The following TBL1XR1 variants were observed in gnomAD, a reference collection of about 807,000 sequenced individuals.
The protein encoded by TBL1XR1 is TBL1X/Y related 1.
TBL1XR1 carries 5 observed loss-of-function variants against 66.9 expected under a neutral mutation model. That is an observed-to-expected ratio of 0.07 (90% CI 0.04 to 0.16). The LOEUF (loss-of-function observed/expected upper bound fraction) is 0.16, where lower values mean the gene tolerates loss of function less well. Among genes scored for constraint, TBL1XR1 ranks in the 10% least tolerant of loss-of-function variants. The pLI, the probability that TBL1XR1 is intolerant of heterozygous loss-of-function variation, is 1.00. For missense variants in TBL1XR1, 238 were observed against 623.2 expected (o/e 0.38, Z 6.58); for synonymous variants, 210 against 206.0 (o/e 1.02, Z -0.17).
intron 2 of TBL1XR1, among the ~76,000 whole-genome samples, chr3:177,071,189 C>T (rs1471876813): frequency 6.6e-6 from 1 of 151,900 alleles, no homozygotes; most frequent in Non-Finnish European, 1.5e-5. Flanking sequence ...CGCCACCGTG[C>T]CCGGCTAATT....
intron 12 of TBL1XR1, among the ~76,000 whole-genome samples, chr3:177,036,494 T>C (rs539483277): frequency 6.6e-6 from 1 of 152,364 alleles, no homozygotes; most frequent in African/African-American, 2.4e-5. Context: ...TAACAATTTC[T>C]AGTTTTAACC....
intron 1 of TBL1XR1, among the ~76,000 whole-genome samples, chr3:177,185,767 T>C (rs972734555): frequency 1.3e-5 from 2 of 152,030 alleles, no homozygotes; most frequent in African/African-American, 4.8e-5. Flanking sequence ...CCCAACACTT[T>C]GGGAGGCAGG....
At chr3:177,107,979 A>T (rs567926933) in intron 1 of TBL1XR1, among the ~76,000 whole-genome samples, 276 of 152,054 alleles carry the variant, frequency 1.8e-3, no homozygotes, top group African/African-American at 6.6e-3. Context: ...CAGACAATAC[A>T]TTAAAAAATG....
At chr3:177,080,390 T>TA (rs1721250336) in intron 2 of TBL1XR1, among the ~76,000 whole-genome samples, 4 of 152,154 alleles carry the variant, frequency 2.6e-5, no homozygotes, top group Admixed American at 2.0e-4. Context: ...CTTTAAGTGA[T>TA]AAAGTGCCCA....
intron 3 of TBL1XR1, among the ~76,000 whole-genome samples, chr3:177,063,475 T>C (rs1718771411): frequency 6.6e-6 from 1 of 152,196 alleles, no homozygotes; most frequent in Non-Finnish European, 1.5e-5. Context: ...CTCAAAGCTC[T>C]GGCTTAAAAG....
intron 2 of TBL1XR1, among the ~76,000 whole-genome samples, chr3:177,082,656 A>T (rs933528258): frequency 6.7e-6 from 1 of 148,260 alleles, no homozygotes; most frequent in African/African-American, 2.5e-5. Context: ...AAACTTTATG[A>T]AAGAACCATA....
chr3:177,115,536 G>A (rs963907373), intron 1 of TBL1XR1, among the ~76,000 whole-genome samples: 2 of 152,042 alleles, frequency 1.3e-5, no homozygotes, highest in Middle Eastern at 3.4e-3. Flanking sequence ...CACCACAACC[G>A]CAAAATTTGG....
intron 1 of TBL1XR1, among the ~76,000 whole-genome samples, chr3:177,126,731 T>G (rs1727674228): frequency 6.6e-6 from 1 of 152,072 alleles, no homozygotes; most frequent in Admixed American, 6.6e-5. Flanking sequence ...TTCTTGGCAC[T>G]GGCTCTCCAT....
chr3:177,122,509 C>T (rs980195580), intron 1 of TBL1XR1, among the ~76,000 whole-genome samples: 4 of 152,064 alleles, frequency 2.6e-5, no homozygotes, highest in Admixed American at 2.6e-4. Flanking sequence ...TTACTCTATA[C>T]CTCTTGTGCA....
chr3:177,186,653 C>T (rs915116924), intron 1 of TBL1XR1, among the ~76,000 whole-genome samples: 1 of 152,178 alleles, frequency 6.6e-6, no homozygotes, highest in Non-Finnish European at 1.5e-5. Flanking sequence ...TATGTTATTA[C>T]TATACCCCAT....
At chr3:177,047,262 T>C in intron 9 of TBL1XR1, 38 bp downstream of exon 9, 1 of 1,492,274 alleles carries the variant, frequency 6.7e-7, no homozygotes, top group Non-Finnish European at 9.0e-7. Flanking sequence ...TTAAGCTCTG[T>C]AATACATTTG....
At chr3:177,061,991 C>G (rs1373343583) in intron 3 of TBL1XR1, among the ~76,000 whole-genome samples, 1 of 152,158 alleles carries the variant, frequency 6.6e-6, no homozygotes. Context: ...ATTCTGAGTT[C>G]TATCTGAACC....
intron 1 of TBL1XR1, chr3:177,131,555 G>A (rs1728297686): frequency 4.2e-6 from 1 of 239,120 alleles, no homozygotes; most frequent in Non-Finnish European, 6.6e-6. Context: ...CCGTTGCCCA[G>A]GCTGGAGTGC....
chr3:177,061,732 T>A (rs1198064909), intron 3 of TBL1XR1, among the ~76,000 whole-genome samples: 1 of 152,176 alleles, frequency 6.6e-6, no homozygotes, highest in African/African-American at 2.4e-5. Context: ...AACCTAAGAG[T>A]AATTTATATC....
At chr3:177,048,617 G>T (rs138570246) in intron 7 of TBL1XR1, among the ~76,000 whole-genome samples, 1 of 152,288 alleles carries the variant, frequency 6.6e-6, no homozygotes, top group East Asian at 1.9e-4. Context: ...ACAATGTCAA[G>T]TTTCCTCTAA....
chr3:177,026,485 GA>G lies in TBL1XR1; in HGVS notation c.1417-12del. The G allele has an allele frequency of 6.4e-7, 1 of 1,557,368 alleles. No individual in the cohort carries two copies. Among genetic ancestry groups the G allele is most frequent in the South Asian group, 1.2e-5 (1 of 81,406 alleles). On this transcript the variant is annotated splice_polypyrimidine_tract_variant and intron_variant, in intron 14 of 15. Coordinates refer to ENST00000457928, the MANE Select transcript of TBL1XR1 (RefSeq NM_024665.7). The stretch of plus-strand genomic sequence containing the variant: ...AACTAGAGCACCTGTCTAAAAGAAT[GA>G]AAAACAAAATCTTAAAAATCGTAAT...
chr3:177,187,122 G>A (rs1364518092), intron 1 of TBL1XR1, among the ~76,000 whole-genome samples: 2 of 149,992 alleles, frequency 1.3e-5, no homozygotes, highest in Non-Finnish European at 3.0e-5. Flanking sequence ...AGCCGAGATC[G>A]TGCCACTGTA....
intron 2 of TBL1XR1, among the ~76,000 whole-genome samples, chr3:177,074,990 C>T (rs1720509326): frequency 6.6e-6 from 1 of 152,174 alleles, no homozygotes; most frequent in African/African-American, 2.4e-5. Flanking sequence ...CCAAAGACCA[C>T]AAAGTACTCT....
chr3:177,173,465 A>T (rs1733804618), intron 1 of TBL1XR1, among the ~76,000 whole-genome samples: 1 of 152,184 alleles, frequency 6.6e-6, no homozygotes, highest in African/African-American at 2.4e-5. Flanking sequence ...CCCCTGTTTG[A>T]TATGATGTGA....
Sources: gnomAD v4.1 joint callset for allele counts (sites outside exome capture counted in the v4.1 genomes callset) on GRCh38, gnomAD v4.1.1 for gene constraint, MANE v1.5 for transcripts, NCBI Gene and HGNC (gene_info 2026-07-23, HGNC 2026-07-21) for gene names.